The following RHOA variants were observed in gnomAD, a reference collection of about 807,000 sequenced individuals.
RHOA encodes the protein transforming protein RhoA.
In RHOA, 3 loss-of-function variants were observed where a neutral mutation model predicts 17.5. That is an observed-to-expected ratio of 0.17 (90% CI 0.08 to 0.44). RHOA has a LOEUF of 0.44. RHOA is among the 20% of genes least tolerant of loss of function. The pLI is 0.99. For missense variants in RHOA, 56 were observed against 242.3 expected, an observed-to-expected ratio of 0.23 and a Z score of 5.10; for synonymous variants, 98 against 88.4, an observed-to-expected ratio of 1.11 and a Z score of -0.61.
intron 1 of RHOA, among the ~76,000 whole-genome samples, chr3:49,402,696 T>A (rs1162703966): frequency 6.6e-6 from 1 of 151,704 alleles, no homozygotes; most frequent in Non-Finnish European, 1.5e-5. Context: ...AAACTTGTCA[T>A]ATTCTAGGAA....
In RHOA at chr3:49,360,181, GCA is replaced by G. The variant is rs2047938510; in HGVS notation, c.*26_*27del. 1.3e-6 allele frequency: 2 copies of G among 1,596,982 alleles called. No individual in the cohort carries two copies. The highest frequency in any genetic ancestry group is 4.5e-5 in the East Asian group (2 of 44,706). On this transcript the variant is annotated 3_prime_UTR_variant, in exon 5 of 5. Coordinates refer to ENST00000418115, the MANE Select transcript of RHOA (RefSeq NM_001664.4). The stretch of plus-strand genomic sequence containing the variant: ...AATAAACAGCACTTCAAAATTAACC[GCA>G]TAAGGGCTGTGCTTGCAGCAAGGTT...
rs188437010 is a variant in RHOA at position 49,379,602 on chromosome 3, C to T, written c.-2-4011G>A. Among the ~76,000 whole-genome samples the T allele has an allele frequency of 2.0e-4, 31 of 152,224 alleles. 1 individual carries two copies. Among genetic ancestry groups the T allele is most frequent in the African/African-American group, 6.7e-4 (28 of 41,538 alleles). ...GATCTCCACTCACTGCAACCTTAGCCTCCCCAGGCTCAAGTGAACCTCCAA... is the reference window on the plus strand; with the variant it reads ...GATCTCCACTCACTGCAACCTTAGCTTCCCCAGGCTCAAGTGAACCTCCAA... On this transcript the variant is annotated intron_variant, in intron 1 of 4. Transcript: ENST00000418115.
Position 49,360,202 on chromosome 3 carries a change from C to G in RHOA, c.*7G>C, listed in dbSNP as rs1182322411. 2.5e-6 allele frequency: 4 copies of G among 1,612,074 alleles called. No individual in the cohort carries two copies. The highest frequency in any genetic ancestry group is 2.5e-6 in the Non-Finnish European group (3 of 1,179,414). ...AACCGCATAAGGGCTGTGCTTGCAG[C>G]AAGGTTTCACAAGACAAGGCACCCA... On this transcript the variant is annotated 3_prime_UTR_variant, in exon 5 of 5. Coordinates refer to ENST00000418115, the MANE Select transcript of RHOA (RefSeq NM_001664.4).
At chr3:49,383,882 T>A (rs2048356457) in intron 1 of RHOA, among the ~76,000 whole-genome samples, 1 of 151,914 alleles carries the variant, frequency 6.6e-6, no homozygotes, top group Non-Finnish European at 1.5e-5. Context: ...ATACAAAAAT[T>A]AGCCGGGCAT....
intron 1 of RHOA, among the ~76,000 whole-genome samples, chr3:49,401,041 CAAAAA>C (rs57354041): frequency 6.5e-4 from 44 of 67,580 alleles, no homozygotes; most frequent in East Asian, 2.3e-3. Flanking sequence ...GACTCCGTCT[CAAAAA>C]AAAAAAAAAA....
chr3:49,399,152 G>A (rs1412167494), intron 1 of RHOA, among the ~76,000 whole-genome samples: 2 of 149,452 alleles, frequency 1.3e-5, no homozygotes, highest in Non-Finnish European at 3.0e-5. Flanking sequence ...GGCAGATCAC[G>A]AGGTCAGGAG....
chr3:49,391,099 T>C (rs560634260), intron 1 of RHOA, among the ~76,000 whole-genome samples: 1 of 151,494 alleles, frequency 6.6e-6, no homozygotes, highest in African/African-American at 2.4e-5. Context: ...GCACCTGTAG[T>C]CCCAGCTACT....
chr3:49,390,136 A>AT (rs545957679), intron 1 of RHOA, among the ~76,000 whole-genome samples: 91 of 145,454 alleles, frequency 6.3e-4, no homozygotes, highest in South Asian at 1.3e-3. Flanking sequence ...GTTGTCAGGA[A>AT]TTTTTTTTTT....
At chr3:49,362,994 T>C (rs1399652778) in intron 3 of RHOA, among the ~76,000 whole-genome samples, 3 of 152,292 alleles carry the variant, frequency 2.0e-5, no homozygotes, top group South Asian at 2.1e-4. Flanking sequence ...GATTCTGACA[T>C]AGCTTACAGA....
At chr3:49,364,543 C>G (rs1474120540) in intron 3 of RHOA, among the ~76,000 whole-genome samples, 2 of 152,022 alleles carry the variant, frequency 1.3e-5, no homozygotes, top group African/African-American at 2.4e-5. Context: ...CACCTGTAAT[C>G]CCAGCTACTA....
intron 3 of RHOA, chr3:49,366,731 G>C (rs994456227): frequency 6.6e-6 from 1 of 152,252 alleles, no homozygotes; most frequent in African/African-American, 2.4e-5. Flanking sequence ...CCTTGGGCCA[G>C]CATGACCTTA....
rs375767122 is a variant in RHOA at position 49,368,474 on chromosome 3, G to A, written c.231C>T (p.Thr77=). 1.9e-5 allele frequency: 30 copies of A among 1,613,834 alleles called. No individual in the cohort carries two copies. The highest frequency in any genetic ancestry group is 1.3e-4 in the Admixed American group (8 of 59,940). The change falls in exon 3 of 5, where the codon ACC becomes ACT. Residue 77 remains threonine, a synonymous_variant. Coordinates refer to ENST00000418115, the MANE Select transcript of RHOA (RefSeq NM_001664.4). The stretch of plus-strand genomic sequence containing the variant: ...TGGAAAAACACATCAGTATAACATC[G>A]GTATCTGGGTAGGAGAGGGGCCTCA... The part of the protein sequence containing the change: ...DRLRPLSYPD[T]DVILMCFSID...
At chr3:49,369,228 T>A (rs1278859340) in intron 2 of RHOA, among the ~76,000 whole-genome samples, 1 of 148,716 alleles carries the variant, frequency 6.7e-6, no homozygotes, top group Non-Finnish European at 1.5e-5. Context: ...TTTCACCATG[T>A]TAGCCAGGAT....
At chr3:49,392,423 C>T (rs6792911) in intron 1 of RHOA, among the ~76,000 whole-genome samples, 63,208 of 151,962 alleles carry the variant, frequency 0.42, 14,810 homozygotes, top group East Asian at 0.93. Context: ...GCCTGGGTGC[C>T]AGAGTGAGTC....
At chr3:49,377,089 T>C (rs1477968715) in intron 1 of RHOA, among the ~76,000 whole-genome samples, 6 of 151,964 alleles carry the variant, frequency 3.9e-5, no homozygotes. Flanking sequence ...GATCATGCCA[T>C]TGCACTCCAG....
intron 1 of RHOA, among the ~76,000 whole-genome samples, chr3:49,391,364 CTT>C (rs2048503140): frequency 6.7e-6 from 1 of 149,682 alleles, no homozygotes; most frequent in Non-Finnish European, 1.5e-5. Context: ...TGCACTCCAA[CTT>C]GAGCGACAGA....
At chr3:49,370,265 A>G (rs1015679997) in intron 2 of RHOA, among the ~76,000 whole-genome samples, 6 of 152,182 alleles carry the variant, frequency 3.9e-5, no homozygotes, top group Admixed American at 1.3e-4. Flanking sequence ...ACAAAAAAAC[A>G]AAACAGATAC....
chr3:49,397,196 T>A (rs1251924629), intron 1 of RHOA, among the ~76,000 whole-genome samples: 2 of 145,930 alleles, frequency 1.4e-5, no homozygotes, highest in Admixed American at 6.8e-5. Context: ...AAACATTGCA[T>A]AAATGAAAGA....
At chr3:49,367,701 A>T (rs2048082049) in intron 3 of RHOA, among the ~76,000 whole-genome samples, 2 of 151,522 alleles carry the variant, frequency 1.3e-5, no homozygotes, top group African/African-American at 4.9e-5. Context: ...TTTGTATTTT[A>T]GTAGAGACAA....
Sources: allele counts gnomAD v4.1 joint callset (sites outside exome capture counted in the v4.1 genomes callset), GRCh38; gene constraint gnomAD v4.1.1; transcripts MANE v1.5; gene names NCBI Gene and HGNC (gene_info 2026-07-23, HGNC 2026-07-21).